Variants in PROZ observed in about 807,000 individuals in gnomAD.
PROZ encodes the protein protein Z, vitamin K dependent plasma glycoprotein, also known as vitamin K-dependent protein Z.
PROZ carries 46 observed loss-of-function variants against 34.9 expected under a neutral mutation model. The observed-to-expected ratio is 1.32, with a 90% CI of 1.04 to 1.69. The LOEUF (loss-of-function observed/expected upper bound fraction) is 1.69. Ranked by LOEUF, PROZ falls within the 40% of genes most tolerant of loss-of-function variation. The pLI, the probability that PROZ is intolerant of heterozygous loss-of-function variation, is 0.00. For missense variants in PROZ, 530 were observed against 520.4 expected (o/e 1.02, Z -0.18); for synonymous variants, 195 against 208.5 (o/e 0.94, Z 0.56).
chr13:113,172,331 AG>A lies in PROZ; in HGVS notation c.*227del. On this transcript the variant is annotated 3_prime_UTR_variant, in exon 8 of 8. Coordinates refer to ENST00000375547, the MANE Select transcript of PROZ (RefSeq NM_003891.3). ...TCTTTATCTCAATAGAGACCTTAAA[AG>A]AAAACATGAGATACGTTAAATAATA... 1.7e-6 allele frequency: 1 copy of A among 587,734 alleles called. No individual in the cohort carries two copies. Among genetic ancestry groups the A allele is most frequent in the Admixed American group, 3.0e-5 (1 of 33,466 alleles). 36.4% of individuals were successfully genotyped at this position (587,734 alleles called of 1,614,324 possible).
Position 113,171,494 on chromosome 13 carries a change from G to C in PROZ, c.692-100G>C, listed in dbSNP as rs757718730. The C allele has an allele frequency of 1.3e-6, 2 of 1,491,688 alleles. No homozygotes were observed. Among genetic ancestry groups the C allele is most frequent in the Non-Finnish European group, 9.2e-7 (1 of 1,088,958 alleles). 92.4% of individuals were successfully genotyped at this position (1,491,688 alleles called of 1,614,324 possible). On this transcript the variant is annotated intron_variant, in intron 7 of 7. Transcript: ENST00000375547. This position sits in a 1 kb window ranked among gnomAD's most constrained non-coding sequence, Gnocchi z 5.1. ...GTGAGCCTGCGGGTCCTCCAGGGCCGGTCTCTCCCTCCTCACGTGGCTCCC... is the reference window on the plus strand; with the variant it reads ...GTGAGCCTGCGGGTCCTCCAGGGCCCGTCTCTCCCTCCTCACGTGGCTCCC...
intron 3 of PROZ, among the ~76,000 whole-genome samples, chr13:113,161,675 G>C (rs1255823744): frequency 6.6e-6 from 1 of 152,084 alleles, no homozygotes; most frequent in African/African-American, 2.4e-5. Context: ...CCTTACATCC[G>C]GAGCGGGGAG....
chr13:113,172,228 C>T lies in PROZ; in HGVS notation c.*123C>T, dbSNP rs963069994. 5.1e-6 allele frequency: 7 copies of T among 1,374,300 alleles called. No homozygotes were observed. Among genetic ancestry groups the T allele is most frequent in the Admixed American group, 2.0e-5 (1 of 50,940 alleles). 85.1% of individuals were successfully genotyped at this position (1,374,300 alleles called of 1,614,324 possible). ...AGAGGCCGTCACAGCCCCAGACCAC[C>T]CGCTTGGCCCACGCAGCAGCAGAGC... On this transcript the variant is annotated 3_prime_UTR_variant, in exon 8 of 8. Transcript: ENST00000375547.
rs1021995293 is a variant in PROZ at position 113,164,619 on chromosome 13, G to A, written c.480G>A (p.Glu160=). ...GTGCTCAGGGCTACAGGCTTGGTGA[G>A]GACCACAAACAGTGTGTGCCCCACG... The part of the protein sequence containing the change: ...CSCAQGYRLG[E]DHKQCVPHDQ... The change falls in exon 5 of 8, where the codon GAG becomes GAA. Residue 160 remains glutamate (E), a synonymous_variant. Coordinates refer to ENST00000375547, the MANE Select transcript of PROZ (RefSeq NM_003891.3). The A allele has an allele frequency of 6.2e-7, 1 of 1,613,788 alleles. No individual in the cohort carries two copies. Among genetic ancestry groups the A allele is most frequent in the Non-Finnish European group, 8.5e-7 (1 of 1,179,982 alleles).
In PROZ at chr13:113,159,977, G is replaced by A. The variant is rs769087377; in HGVS notation, c.71-37G>A. ...GCAGCTCTGGAAAGCAGGGCCCTCG[G>A]TGCTCCCAGTCACCTGCCTTCTTGT... On this transcript the variant is annotated intron_variant, in intron 1 of 7. Coordinates refer to ENST00000375547, the MANE Select transcript of PROZ (RefSeq NM_003891.3). This position sits in a 1 kb window ranked among gnomAD's most constrained non-coding sequence, Gnocchi z 4.6. 3.1e-6 allele frequency: 5 copies of A among 1,612,196 alleles called. No homozygotes were observed. Among genetic ancestry groups the A allele is most frequent in the African/African-American group, 1.3e-5 (1 of 74,880 alleles).
chr13:113,165,539 TG>T (rs1480547588), intron 6 of PROZ, among the ~76,000 whole-genome samples: 17 of 152,212 alleles, frequency 1.1e-4, no homozygotes, highest in African/African-American at 4.1e-4. Flanking sequence ...GTTTTTGGTT[TG>T]TTTTTTTTGA....
chr13:113,164,089 C>G (rs1204360207), intron 4 of PROZ, among the ~76,000 whole-genome samples: 1 of 151,890 alleles, frequency 6.6e-6, no homozygotes, highest in Non-Finnish European at 1.5e-5. Context: ...AAGTGATTCT[C>G]CTGCCTCAGC....
In PROZ at chr13:113,158,742, G is replaced by A. The variant is rs1194042850; in HGVS notation, c.70+12G>A. 1 of 1,594,586 alleles carries A rather than the reference G, an allele frequency of 6.3e-7. No homozygotes were observed. The highest frequency in any genetic ancestry group is 2.3e-5 in the East Asian group (1 of 43,816). ...TGTGGAGCCCTCAGGTAGGCATCTG[G>A]CTTACCTGTCTGTTGTGCCTGTGCT... is the stretch of plus-strand genomic sequence containing the variant. On this transcript the variant is annotated intron_variant, in intron 1 of 7. Transcript: ENST00000375547. This position sits in a 1 kb window ranked among gnomAD's most constrained non-coding sequence, Gnocchi z 4.3.
At chr13:113,163,195 C>T (rs1388421297) in intron 4 of PROZ, 73 bp downstream of exon 4, 1 of 1,228,172 alleles carries the variant, frequency 8.1e-7, no homozygotes, top group African/African-American at 1.5e-5. Flanking sequence ...GGCCAGAGTC[C>T]CAATGGGCCC....
intron 6 of PROZ, among the ~76,000 whole-genome samples, chr13:113,167,721 C>A (rs1390639612): frequency 1.3e-5 from 2 of 152,192 alleles, no homozygotes; most frequent in African/African-American, 4.8e-5. Context: ...AATTGGCTTT[C>A]ATTTTTATCC....
intron 6 of PROZ, chr13:113,166,574 G>T (rs1283592764): frequency 6.6e-6 from 1 of 152,328 alleles, no homozygotes; most frequent in Admixed American, 6.5e-5. Context: ...AAGCCACCCA[G>T]CTCCAAGGTG....
chr13:113,170,201 C>T (rs1462645061), intron 6 of PROZ, among the ~76,000 whole-genome samples: 1 of 151,458 alleles, frequency 6.6e-6, no homozygotes, highest in Non-Finnish European at 1.5e-5. Flanking sequence ...CCCATTTAAT[C>T]CCTAAGCAAA....
At position 113,159,235 on chromosome 13, in the gene PROZ, ACT is replaced by A. The variant is rs771539236; in HGVS notation, c.70+508_70+509del. On this transcript the variant is annotated intron_variant, in intron 1 of 7. Transcript: ENST00000375547. This position sits in a 1 kb window ranked among gnomAD's most constrained non-coding sequence, Gnocchi z 4.6. ...AAGGAACGACATGGACTCCATTCTG[ACT>A]CTGCCTGCACAGGCGTCCAGGAAAG... 6 of 1,548,682 alleles carry A rather than the reference ACT, an allele frequency of 3.9e-6. No homozygotes were observed. In the East Asian group the frequency reaches 9.8e-5, roughly 25 times the overall value.
rs1459941752 is a variant in PROZ, at chr13:113,170,528, C to T, written c.689C>T (p.Thr230Ile). ...TTACACAGGAATATTACTGTAAAAACATGTAAGTATTTTATCATGAGTTTT... is the reference window on the plus strand; with the variant it reads ...TTACACAGGAATATTACTGTAAAAATATGTAAGTATTTTATCATGAGTTTT... ...SLLHRNITVK[T>I]YFNRTSQDPL... The change falls in exon 7 of 8, where the codon ACA (threonine) becomes ATA (isoleucine). Residue 230 changes from threonine to isoleucine, a missense_variant and splice_region_variant. Thr to Ile is a moderately conservative substitution (Grantham distance 89). Transcript: ENST00000375547. 1 of 1,532,288 alleles carries T rather than the reference C, an allele frequency of 6.5e-7. No individual in the cohort carries two copies. The highest frequency in any genetic ancestry group is 2.2e-5 in the East Asian group (1 of 44,482). The allele number at this position is 1,532,288 out of a possible 1,614,324, so 94.9% of individuals were successfully genotyped here.
At position 113,159,253 on chromosome 13, in the gene PROZ, T is replaced by G; in HGVS notation, c.70+523T>G. ...CATTCTGACTCTGCCTGCACAGGCG[T>G]CCAGGAAAGCTGCAAGTCAAAACAC... On this transcript the variant is annotated intron_variant, in intron 1 of 7. Transcript: ENST00000375547. The surrounding 1 kb of genome is among the most constrained non-coding windows in gnomAD (Gnocchi z 4.6). 1 of 1,548,178 alleles carries G rather than the reference T, an allele frequency of 6.5e-7. No homozygotes were observed.
intron 6 of PROZ, among the ~76,000 whole-genome samples, chr13:113,167,419 G>A (rs1288648522): frequency 6.6e-6 from 1 of 152,174 alleles, no homozygotes; most frequent in Non-Finnish European, 1.5e-5. Flanking sequence ...TGCATTAGAC[G>A]GTTGAAAACT....
chr13:113,163,208 C>T lies in PROZ; in HGVS notation c.373+86C>T. The T allele has an allele frequency of 6.1e-6, 7 of 1,147,112 alleles. No homozygotes were observed. In the Admixed American group the frequency reaches 1.4e-4, roughly 23 times the overall value. 71.1% of individuals were successfully genotyped at this position (1,147,112 alleles called of 1,614,324 possible). A position where few individuals can be genotyped will look rare whatever the true frequency, so the allele number is the denominator to read the frequency against. ...TCGGCCAGAGTCCCAATGGGCCCCT[C>T]CTGAGGTGTAGCCATGAAGGTGCCT... On this transcript the variant is annotated intron_variant, in intron 4 of 7. Coordinates refer to ENST00000375547, the MANE Select transcript of PROZ (RefSeq NM_003891.3).
Position 113,163,038 on chromosome 13 carries a change from C to T in PROZ, c.289C>T (p.Leu97Phe). 4 of 1,560,880 alleles carry T rather than the reference C, an allele frequency of 2.6e-6. No individual in the cohort carries two copies. The highest frequency in any genetic ancestry group is 3.5e-6 in the Non-Finnish European group (4 of 1,151,744). The change falls in exon 4 of 8, where the codon CTC becomes TTC. Residue 97 changes from leucine to phenylalanine, a missense_variant. By Grantham distance (22) the Leu-to-Phe change is conservative. Coordinates refer to ENST00000375547, the MANE Select transcript of PROZ (RefSeq NM_003891.3). ...GGSPCISQPC[L>F]HNGSCQDSIW... ...CTCCCCGTGCATCTCCCAGCCCTGCCTCCACAACGGCTCTTGCCAGGACAG... is the reference window on the plus strand; with the variant it reads ...CTCCCCGTGCATCTCCCAGCCCTGCTTCCACAACGGCTCTTGCCAGGACAG...
rs986135824 is a variant in PROZ at position 113,163,136 on chromosome 13, C to T, written c.373+14C>T. On this transcript the variant is annotated intron_variant, in intron 4 of 7. Transcript: ENST00000375547. ...ACTGCGAGCTGGGTGAGGCCCCGGC[C>T]GTCCCCTTCCCCCAAGGGCCTCCCT... 1.9e-5 allele frequency: 30 copies of T among 1,538,686 alleles called. No homozygotes were observed. The highest frequency in any genetic ancestry group is 2.7e-5 in the African/African-American group (2 of 72,770).
Sources: gnomAD v4.1 joint callset for allele counts (sites outside exome capture counted in the v4.1 genomes callset) on GRCh38, gnomAD v4.1.1 for gene constraint, Gnocchi (gnomAD v3.1) non-coding constraint, MANE v1.5 for transcripts, NCBI Gene and HGNC (gene_info 2026-07-23, HGNC 2026-07-21) for gene names.